TTN: variants seen among roughly 807,000 people sequenced by gnomAD.
TTN encodes the protein titin, also known as connectin.
In TTN, 1,525 loss-of-function variants were observed where a neutral mutation model predicts 3,223.0. The observed-to-expected ratio is 0.47, with a 90% CI of 0.45 to 0.49. The LOEUF (loss-of-function observed/expected upper bound fraction) is 0.49. Ranked by LOEUF, TTN falls within the 20% of genes least tolerant of loss-of-function variation. The pLI is 0.00. For missense variants in TTN, 40,786 were observed against 43,424.0 expected, an observed-to-expected ratio of 0.94 and a Z score of 5.40; for synonymous variants, 14,094 against 15,161.0, an observed-to-expected ratio of 0.93 and a Z score of 5.17.
At position 178,611,740 on chromosome 2, in the gene TTN, A is replaced by G; in HGVS notation, c.50551+18T>C. On this transcript the variant is annotated intron_variant, in intron 268 of 362. Transcript: ENST00000589042. ...TCAAGTTCTAGACAATATCTTGTGTATAATCAGCACTACTTACTTGTTGGA... is the reference window on the plus strand; with the variant it reads ...TCAAGTTCTAGACAATATCTTGTGTGTAATCAGCACTACTTACTTGTTGGA... 1 of 1,611,450 alleles carries G rather than the reference A, an allele frequency of 6.2e-7. No individual in the cohort carries two copies. The highest frequency in any genetic ancestry group is 8.5e-7 in the Non-Finnish European group (1 of 1,178,744).
rs762222770 is a variant in TTN at position 178,571,854 on chromosome 2, T to A, written c.74278A>T (p.Thr24760Ser). 1.9e-6 allele frequency: 3 copies of A among 1,613,596 alleles called. No individual in the cohort carries two copies. Among genetic ancestry groups the A allele is most frequent in the Non-Finnish European group, 2.5e-6 (3 of 1,179,618 alleles). ...HKDNVPLKQT[T>S]RVNAESTENN... ...TCTGTGCTCTCTGCATTTACTCTAG[T>A]TGTCTGCTTCAGTGGTACATTATCT... Residue 24760 changes from threonine (T) to serine (S), a missense_variant, in exon 326 of 363, where the codon ACT becomes TCT. By Grantham distance (58) the Thr-to-Ser change is moderately conservative. Transcript: ENST00000589042.
chr2:178,564,080 A>T lies in TTN; in HGVS notation c.82052T>A (p.Leu27351His). ...AGACTTTGTACCACCAACATTGCTG[A>T]GTTTCAGAATATATTGTCCTCCATC... Reference protein sequence around the residue: ...RTDGGQYILKLSNVGGTKSIP... With the variant: ...RTDGGQYILKHSNVGGTKSIP... Residue 27351 changes from leucine (L) to histidine (H), a missense_variant, in exon 326 of 363, where the codon CTC becomes CAC. Leu to His is a moderately conservative substitution (Grantham distance 99). Coordinates refer to ENST00000589042, the MANE Select transcript of TTN (RefSeq NM_001267550.2). 6.2e-7 allele frequency: 1 copy of T among 1,613,764 alleles called. No individual in the cohort carries two copies. Among genetic ancestry groups the T allele is most frequent in the South Asian group, 1.1e-5 (1 of 91,084 alleles).
At position 178,598,017 on chromosome 2, in the gene TTN, T is replaced by G; in HGVS notation, c.57153A>C (p.Thr19051=). The change falls in exon 293 of 363, where the codon ACA becomes ACC. Residue 19051 remains threonine, a synonymous_variant. Coordinates refer to ENST00000589042, the MANE Select transcript of TTN (RefSeq NM_001267550.2). ...TGTAGAATGCTCCTTCCTTTAATCCTGTCACAACAAGCTTTGTTCCTCTCA... is the reference window on the plus strand; with the variant it reads ...TGTAGAATGCTCCTTCCTTTAATCCGGTCACAACAAGCTTTGTTCCTCTCA... ...KEVRGTKLVV[T]GLKEGAFYKF... The G allele has an allele frequency of 6.2e-7, 1 of 1,613,356 alleles. No individual in the cohort carries two copies. Among genetic ancestry groups the G allele is most frequent in the Non-Finnish European group, 8.5e-7 (1 of 1,179,534 alleles).
rs997334440 is a variant in TTN at position 178,804,786 on chromosome 2, G to C, written c.-13-131C>G. ...GGTCATCTGTGGGCCTAGAGTGATG[G>C]GCAGGTCTTCTCTTTTGTGGCTTGA... On this transcript the variant is annotated intron_variant, in intron 1 of 362. Transcript: ENST00000589042. 1.0e-5 allele frequency: 8 copies of C among 786,252 alleles called. No homozygotes were observed. In the African/African-American group the frequency reaches 1.4e-4, roughly 14 times the overall value. The allele number at this position is 786,252 out of a possible 1,614,324, so 48.7% of individuals were successfully genotyped here. A position where few individuals can be genotyped will look rare whatever the true frequency, so the allele number is the denominator to read the frequency against.
rs911351739 is a variant in TTN at position 178,782,153 on chromosome 2, A to G, written c.3380+59T>C. The G allele has an allele frequency of 2.9e-5, 47 of 1,593,884 alleles. No homozygotes were observed. The Admixed American group carries it at 7.9e-4, about 27-fold the overall frequency. On this transcript the variant is annotated intron_variant, in intron 20 of 362. Transcript: ENST00000589042. ...CGGTGGGGTGAGTAAATTCTACTCT[A>G]GGCTTCATGCACGTATTATACAAGT...
At chr2:178,709,504 C>T in intron 99 of TTN, 62 bp downstream of exon 99, 2 of 1,507,350 alleles carry the variant, frequency 1.3e-6, no homozygotes, top group Admixed American at 2.1e-5. Context: ...AAGAAATGCT[C>T]ATGGATATAT....
Position 178,779,984 on chromosome 2 carries a change from T to A in TTN, c.3729+16A>T. 2 of 1,607,872 alleles carry A rather than the reference T, an allele frequency of 1.2e-6. No individual in the cohort carries two copies. The highest frequency in any genetic ancestry group is 8.5e-7 in the Non-Finnish European group (1 of 1,177,102). On this transcript the variant is annotated intron_variant, in intron 22 of 362. Transcript: ENST00000589042. ...ATTTATGAAATTGTTTGGTTGGTCA[T>A]TACTTTTATACTCACCTGATCTTCT...
In TTN at chr2:178,678,403, A is replaced by C. The variant is rs1357644005; in HGVS notation, c.33910+11T>G. 10 of 1,577,300 alleles carry C rather than the reference A, an allele frequency of 6.3e-6. No homozygotes were observed. Among genetic ancestry groups the C allele is most frequent in the Non-Finnish European group, 8.6e-6 (10 of 1,161,198 alleles). ...TTTCCCCCAAGTACTCTAAGTGATG[A>C]AATTATGTACCTTTTGCAGGTGGAG... On this transcript the variant is annotated intron_variant, in intron 144 of 362. Coordinates refer to ENST00000589042, the MANE Select transcript of TTN (RefSeq NM_001267550.2).
Position 178,549,838 on chromosome 2 carries a change from T to C in TTN, c.91884A>G (p.Arg30628=), listed in dbSNP as rs144922355. ...TCTTCTCCCCAGTAATATTGGTGAA[T>C]CTTATTGGCCCAACTACTTTTCCTG... ...DTPGKVVGPI[R]FTNITGEKMT... The change falls in exon 338 of 363, where the codon AGA becomes AGG. Residue 30628 remains arginine (R), a synonymous_variant. Transcript: ENST00000589042. 1 of 1,588,208 alleles carries C rather than the reference T, an allele frequency of 6.3e-7. No homozygotes were observed. Among genetic ancestry groups the C allele is most frequent in the Non-Finnish European group, 8.6e-7 (1 of 1,166,242 alleles).
chr2:178,616,891 C>G lies in TTN; in HGVS notation c.47998G>C (p.Asp16000His), dbSNP rs201388509. The change falls in exon 256 of 363, where the codon GAT (aspartate) becomes CAT (histidine). Residue 16000 changes from aspartate (D) to histidine (H), a missense_variant. By Grantham distance (81) the Asp-to-His change is moderately conservative (BLOSUM62 -1). Coordinates refer to ENST00000589042, the MANE Select transcript of TTN (RefSeq NM_001267550.2). ...PRPTATWCFG[D>H]KVLETGDRVK... ...CGGTCCCCTGTTTCTAGTACTTTAT[C>G]TCCAAAACACCAGGTTGCAGTTGGC... The G allele has an allele frequency of 6.7e-4, 1,077 of 1,612,580 alleles. No individual in the cohort carries two copies. Among genetic ancestry groups the G allele is most frequent in the Non-Finnish European group, 7.5e-4 (889 of 1,179,218 alleles).
intron 242 of TTN, among the ~76,000 whole-genome samples, chr2:178,623,941 A>C (rs2058669198): frequency 6.6e-6 from 1 of 151,924 alleles, no homozygotes; most frequent in Non-Finnish European, 1.5e-5. Flanking sequence ...CTTCTTATCC[A>C]TTCTTATTCT....
In TTN at chr2:178,735,852, T is replaced by C; in HGVS notation, c.14594A>G (p.Tyr4865Cys). ...AAACTTGTTGGAAGCCTTACAAGAA[T>C]AAACTCCTCTATCTTGAATGGTAAG... ...SNLTIQDRGV[Y>C]SCKASNKFGA... The change falls in exon 50 of 363, where the codon TAT becomes TGT. Residue 4865 changes from tyrosine to cysteine, a missense_variant. Tyr to Cys is a radical substitution (Grantham distance 194, BLOSUM62 -2). Transcript: ENST00000589042. 3 of 1,613,862 alleles carry C rather than the reference T, an allele frequency of 1.9e-6. No individual in the cohort carries two copies. The highest frequency in any genetic ancestry group is 2.5e-6 in the Non-Finnish European group (3 of 1,179,822).
At position 178,585,174 on chromosome 2, in the gene TTN, G is replaced by C. The variant is rs1378663120; in HGVS notation, c.64570C>G (p.Leu21524Val). ...TTCCTAGTCACATCTTTTATGATCA[G>C]AATTGAAGAGCTGTCTGCTTTATGC... ...AVHKADSSSI[L>V]IIKDVTRKDS... The change falls in exon 309 of 363, where the codon CTG becomes GTG. Residue 21524 changes from leucine to valine, a missense_variant. By Grantham distance (32) the Leu-to-Val change is conservative. Coordinates refer to ENST00000589042, the MANE Select transcript of TTN (RefSeq NM_001267550.2). 1.2e-6 allele frequency: 2 copies of C among 1,613,380 alleles called. No homozygotes were observed. Among genetic ancestry groups the C allele is most frequent in the East Asian group, 4.5e-5 (2 of 44,826 alleles).
chr2:178,582,715 AT>A, intron 313 of TTN, 123 bp from the exon 314 acceptor site: 1 of 1,057,720 alleles, frequency 9.5e-7, no homozygotes, highest in Non-Finnish European at 1.3e-6. Context: ...AGGTTAGTTA[AT>A]TTTTTAGAAT....
Position 178,624,666 on chromosome 2 carries a change from G to T in TTN, c.44614C>A (p.Leu14872Met). Reference protein sequence around the residue: ...QTVEEGATAVLECEVSRENAK... With the variant: ...QTVEEGATAVMECEVSRENAK... ...TTTTCTCTGGAGACTTCACACTCCA[G>T]CACTGCAGTGGCTCCCTCTTCGACC... is the stretch of plus-strand genomic sequence containing the variant. The change falls in exon 242 of 363, where the codon CTG (leucine) becomes ATG (methionine). Residue 14872 changes from leucine (L) to methionine (M), a missense_variant. Physicochemically the swap from Leu to Met is conservative, Grantham distance 15 (BLOSUM62 2). Transcript: ENST00000589042. 6.2e-7 allele frequency: 1 copy of T among 1,612,540 alleles called. No individual in the cohort carries two copies. The highest frequency in any genetic ancestry group is 8.5e-7 in the Non-Finnish European group (1 of 1,179,090).
Position 178,589,867 on chromosome 2 carries a change from C to G in TTN, c.61858G>C (p.Ala20620Pro). 6.2e-7 allele frequency: 1 copy of G among 1,613,412 alleles called. No homozygotes were observed. The highest frequency in any genetic ancestry group is 8.5e-7 in the Non-Finnish European group (1 of 1,179,598). ...ATTAATCGTTTAGTGACATCTGATGCAACAATTGACCAGCCTTTCTGGTTT... is the reference window on the plus strand; with the variant it reads ...ATTAATCGTTTAGTGACATCTGATGGAACAATTGACCAGCCTTTCTGGTTT... Reference protein sequence around the residue: ...KPNQKGWSIVASDVTKRLIKA... With the variant: ...KPNQKGWSIVPSDVTKRLIKA... The change falls in exon 304 of 363, where the codon GCA becomes CCA. Residue 20620 changes from alanine (A) to proline (P), a missense_variant. By Grantham distance (27) the Ala-to-Pro change is conservative (BLOSUM62 -1). Transcript: ENST00000589042.
At chr2:178,551,564 C>T in intron 335 of TTN, 66 bp downstream of exon 335, 2 of 1,321,112 alleles carry the variant, frequency 1.5e-6, no homozygotes, top group Admixed American at 2.8e-5. Context: ...AAAAGCATTC[C>T]TTGATATATT....
At chr2:178,627,451 C>A (rs1225350404) in intron 240 of TTN, among the ~76,000 whole-genome samples, 1 of 151,918 alleles carries the variant, frequency 6.6e-6, no homozygotes, top group East Asian at 1.9e-4. Flanking sequence ...CCACATGTAA[C>A]AAAATGATTT....
At chr2:178,578,464 T>C in intron 321 of TTN, 147 bp downstream of exon 321, 1 of 617,484 alleles carries the variant, frequency 1.6e-6, no homozygotes, top group South Asian at 2.6e-5. Context: ...TTCAATAAAA[T>C]TAAACATTAA....
Sources: gnomAD v4.1 joint callset for allele counts (sites outside exome capture counted in the v4.1 genomes callset) on GRCh38, gnomAD v4.1.1 for gene constraint, MANE v1.5 for transcripts, NCBI Gene and HGNC (gene_info 2026-07-23, HGNC 2026-07-21) for gene names.